Variants in TSTD2 observed in about 807,000 individuals in gnomAD.
TSTD2 encodes the protein thiosulfate sulfurtransferase like domain containing 2, also known as thiosulfate sulfurtransferase/rhodanese-like domain-containing protein 2.
Under a neutral mutation model 47.9 loss-of-function variants are expected in TSTD2, and 37 were observed. The ratio of observed to expected loss-of-function variants is 0.77; its 90% CI spans 0.59 to 1.02. The LOEUF (loss-of-function observed/expected upper bound fraction) is 1.02, where lower values mean the gene tolerates loss of function less well. TSTD2 is among the 50% of genes least tolerant of loss of function. The pLI, the probability that TSTD2 is intolerant of heterozygous loss-of-function variation, is 0.00. For synonymous variants in TSTD2, 201 were observed against 215.9 expected, an observed-to-expected ratio of 0.93 and a Z score of 0.61; for missense variants, 586 against 616.0, an observed-to-expected ratio of 0.95 and a Z score of 0.52.
Position 97,600,633 on chromosome 9 carries a change from A to G in TSTD2, c.*1836T>C. ...AGTAATGGCCCAGCTTAGAGACTTC[A>G]GCTACTGATCTCATCACTTATTAGA... On this transcript the variant is annotated 3_prime_UTR_variant, in exon 10 of 10. Transcript: ENST00000341170. 1 of 988,226 alleles carries G rather than the reference A, an allele frequency of 1.0e-6. No homozygotes were observed. Among genetic ancestry groups the G allele is most frequent in the Non-Finnish European group, 1.2e-6 (1 of 831,788 alleles). The allele number at this position is 988,226 out of a possible 1,614,324, so 61.2% of individuals were successfully genotyped here.
chr9:97,621,555 C>T (rs1826636536), intron 3 of TSTD2, among the ~76,000 whole-genome samples: 1 of 152,118 alleles, frequency 6.6e-6, no homozygotes, highest in Non-Finnish European at 1.5e-5. Context: ...AGGAATAACC[C>T]TGGGAAGGGA....
chr9:97,629,179 A>C (rs1826770023), intron 1 of TSTD2, among the ~76,000 whole-genome samples: 1 of 152,220 alleles, frequency 6.6e-6, no homozygotes, highest in African/African-American at 2.4e-5. Context: ...AAGGTGGGAG[A>C]CACTGGTGAC....
intron 8 of TSTD2, 79 bp from the exon 9 acceptor site, chr9:97,604,944 C>G: frequency 1.3e-6 from 2 of 1,569,370 alleles, no homozygotes; most frequent in Non-Finnish European, 1.7e-6. Context: ...CGGCGCATGG[C>G]GAGGAGTGCT....
intron 9 of TSTD2, chr9:97,602,974 A>AC (rs1826293903): frequency 2.0e-6 from 1 of 505,576 alleles, no homozygotes; most frequent in Admixed American, 4.0e-5. Context: ...ACTTCTGGTA[A>AC]CTGTCTGCTT....
intron 4 of TSTD2, 128 bp downstream of exon 4, chr9:97,617,629 C>G: frequency 8.3e-7 from 1 of 1,204,598 alleles, no homozygotes; most frequent in Non-Finnish European, 1.1e-6. Flanking sequence ...CTTAAATGCT[C>G]AGCAGAATTT....
In TSTD2 at chr9:97,604,839, G is replaced by T; in HGVS notation, c.1140C>A (p.Leu380=). The change falls in exon 9 of 10, where the codon CTC becomes CTA. Residue 380 remains leucine (L), a synonymous_variant. Coordinates refer to ENST00000341170, the MANE Select transcript of TSTD2 (RefSeq NM_139246.5). ...CCAGGTACTTGTGGATGCCACCCTT[G>T]AGCTGGAACACCTCCTTGCACACTC... ...AKGVCKEVFQ[L]KGGIHKYLEE... 1 of 1,614,128 alleles carries T rather than the reference G, an allele frequency of 6.2e-7. No individual in the cohort carries two copies. Among genetic ancestry groups the T allele is most frequent in the Non-Finnish European group, 8.5e-7 (1 of 1,180,012 alleles).
intron 1 of TSTD2, among the ~76,000 whole-genome samples, chr9:97,628,754 C>T (rs982769251): frequency 3.3e-5 from 5 of 152,130 alleles, no homozygotes; most frequent in African/African-American, 9.7e-5. Flanking sequence ...CAAAAGGATA[C>T]GCTAGTGCAA....
chr9:97,623,898 T>G (rs1826677938), intron 3 of TSTD2, among the ~76,000 whole-genome samples: 1 of 151,998 alleles, frequency 6.6e-6, no homozygotes. Flanking sequence ...GTCAACTGAC[T>G]GGGTATATGC....
intron 3 of TSTD2, among the ~76,000 whole-genome samples, chr9:97,619,405 C>A (rs995388947): frequency 6.6e-6 from 1 of 152,216 alleles, no homozygotes; most frequent in African/African-American, 2.4e-5. Context: ...AGACCAATCC[C>A]TCTTTCTCCT....
chr9:97,602,957 G>T (rs1022835445), intron 9 of TSTD2, 190 bp from the exon 10 acceptor site: 4 of 537,386 alleles, frequency 7.4e-6, no homozygotes, highest in African/African-American at 2.0e-5. Context: ...ATTTTTTTGT[G>T]GGGGTGACTT....
intron 3 of TSTD2, among the ~76,000 whole-genome samples, chr9:97,625,103 A>G (rs958465553): frequency 2.6e-5 from 4 of 152,112 alleles, no homozygotes; most frequent in Non-Finnish European, 5.9e-5. Context: ...ACCTCAAAAA[A>G]TCTCTTGTGT....
At chr9:97,610,514 T>A (rs1826440937) in intron 5 of TSTD2, 63 bp from the exon 6 acceptor site, 3 of 1,237,272 alleles carry the variant, frequency 2.4e-6, no homozygotes, top group East Asian at 5.4e-5. Flanking sequence ...ATAAGACAAG[T>A]GCCAATATAA....
In TSTD2 at chr9:97,625,973, T is replaced by C. The variant is rs1184628221; in HGVS notation, c.190A>G (p.Lys64Glu). 6.2e-7 allele frequency: 1 copy of C among 1,611,752 alleles called. No individual in the cohort carries two copies. The highest frequency in any genetic ancestry group is 8.5e-7 in the Non-Finnish European group (1 of 1,179,320). The change falls in exon 3 of 10, where the codon AAA becomes GAA. Residue 64 changes from lysine to glutamate, a missense_variant. By Grantham distance (56) the Lys-to-Glu change is moderately conservative. Coordinates refer to ENST00000341170, the MANE Select transcript of TSTD2 (RefSeq NM_139246.5). Reference protein sequence around the residue: ...KKAFALFVKTKEVPTKRSFEC... With the variant: ...KKAFALFVKTEEVPTKRSFEC... Reference sequence around the variant, plus strand: ...AAACTCCTTTTTGTTGGAACTTCTTTGGTTTTGACAAAAAGGGCAAAGGCC... The same window carrying C: ...AAACTCCTTTTTGTTGGAACTTCTTCGGTTTTGACAAAAAGGGCAAAGGCC...
intron 3 of TSTD2, among the ~76,000 whole-genome samples, chr9:97,623,281 G>A (rs1455995870): frequency 6.6e-6 from 1 of 152,182 alleles, no homozygotes; most frequent in East Asian, 1.9e-4. Flanking sequence ...ATCTACGTAA[G>A]ATGTGACTTG....
Position 97,617,791 on chromosome 9 carries a change from G to A in TSTD2, c.569C>T (p.Thr190Ile), listed in dbSNP as rs766103265. 16 of 1,614,010 alleles carry A rather than the reference G, an allele frequency of 9.9e-6. No homozygotes were observed. Among genetic ancestry groups the A allele is most frequent in the Admixed American group, 6.7e-5 (4 of 59,980 alleles). Residue 190 changes from threonine to isoleucine, a missense_variant, in exon 4 of 10, where the codon ACA becomes ATA. Coordinates refer to ENST00000341170, the MANE Select transcript of TSTD2 (RefSeq NM_139246.5). The part of the protein sequence containing the change: ...EDPQWICAWQ[T>I]ALCQHLHLTG... Reference sequence around the variant, plus strand: ...GAGGTGCAGGTGCTGACACAGAGCTGTCTGCCAGGCACAGATCCATTGGGG... The same window carrying A: ...GAGGTGCAGGTGCTGACACAGAGCTATCTGCCAGGCACAGATCCATTGGGG...
chr9:97,612,490 A>G (rs1444512232), intron 4 of TSTD2, among the ~76,000 whole-genome samples: 1 of 152,216 alleles, frequency 6.6e-6, no homozygotes, highest in Non-Finnish European at 1.5e-5. Context: ...CTTTTTCTCT[A>G]CAACCTCACC....
chr9:97,620,942 A>G (rs1826624844), intron 3 of TSTD2, among the ~76,000 whole-genome samples: 1 of 152,214 alleles, frequency 6.6e-6, no homozygotes, highest in Non-Finnish European at 1.5e-5. Flanking sequence ...GGCTACAGAA[A>G]TTTGCATGAG....
chr9:97,602,432 T>C lies in TSTD2; in HGVS notation c.*37A>G, dbSNP rs1480557541. 1 of 1,548,206 alleles carries C rather than the reference T, an allele frequency of 6.5e-7. No homozygotes were observed. Among genetic ancestry groups the C allele is most frequent in the African/African-American group, 1.4e-5 (1 of 73,082 alleles). On this transcript the variant is annotated 3_prime_UTR_variant, in exon 10 of 10. Coordinates refer to ENST00000341170, the MANE Select transcript of TSTD2 (RefSeq NM_139246.5). ...CTCTGTATAGTCACCCCAAACCTAC[T>C]TTTACCGAGGGCCTGGGAAAATGCC...
rs1476492400 is a variant in TSTD2 at position 97,602,531 on chromosome 9, G to A, written c.1489C>T (p.Arg497Ter). The A allele has an allele frequency of 3.7e-6, 6 of 1,614,124 alleles. No homozygotes were observed. Among genetic ancestry groups the A allele is most frequent in the Non-Finnish European group, 4.2e-6 (5 of 1,179,970 alleles). ...CCTGGCTCTGGGCTCACAGGCTGTCGCACATGCTGCAAGAGTTCCCTAGGT... is the reference window on the plus strand; with the variant it reads ...CCTGGCTCTGGGCTCACAGGCTGTCACACATGCTGCAAGAGTTCCCTAGGT... ...RIPRELLQHV[R>*]QPVSPEPGPD... Residue 497 changes from arginine to a stop codon, truncating the protein, a stop_gained, in exon 10 of 10, where the codon CGA becomes TGA. Transcript: ENST00000341170. LOFTEE classifies it low-confidence loss of function (END_TRUNC).
Sources: allele counts gnomAD v4.1 joint callset (sites outside exome capture counted in the v4.1 genomes callset), GRCh38; gene constraint gnomAD v4.1.1; transcripts MANE v1.5; gene names NCBI Gene and HGNC (gene_info 2026-07-23, HGNC 2026-07-21).